The following LAMA3 variants were observed in gnomAD, a reference collection of about 807,000 sequenced individuals.
LAMA3 encodes laminin subunit alpha 3.
Under a neutral mutation model 402.0 loss-of-function variants are expected in LAMA3, and 281 were observed. The observed-to-expected ratio is 0.70, with a 90% confidence interval of 0.63 to 0.77. LAMA3 has a LOEUF of 0.77. Ranked by LOEUF, LAMA3 falls within the 30% of genes least tolerant of loss-of-function variation. The pLI, the probability that LAMA3 is intolerant of heterozygous loss-of-function variation, is 0.00. For missense variants in LAMA3, 3,840 were observed against 4,215.5 expected (o/e 0.91, Z 2.47); for synonymous variants, 1,431 against 1,558.4 (o/e 0.92, Z 1.93).
Position 23,713,932 on chromosome 18 carries a change from G to A in LAMA3, c.307G>A (p.Asp103Asn). The A allele has an allele frequency of 6.2e-7, 1 of 1,612,316 alleles. No homozygotes were observed. The highest frequency in any genetic ancestry group is 8.5e-7 in the Non-Finnish European group (1 of 1,179,692). ...SGHTIQGQFC[D>N]YCNSEDPRKA... ...TTTTTTTTTTCAGGGCCAGTTCTGT[G>A]ACTATTGCAATTCTGAAGACCCCAG... The change falls in exon 2 of 75, where the codon GAC becomes AAC. Residue 103 changes from aspartate (D) to asparagine (N), a missense_variant. Asp to Asn is a conservative substitution (Grantham distance 23). Transcript: ENST00000313654.
At position 23,904,600 on chromosome 18, in the gene LAMA3, A is replaced by G. The variant is rs779005632; in HGVS notation, c.6521A>G (p.Asp2174Gly). The stretch of plus-strand genomic sequence containing the variant: ...GATGAGCTGGTGCGCTGTGCTGTGG[A>G]TGCCGCCACCGCCTACGAGAACATC... ...SGDELVRCAV[D>G]AATAYENILN... The change falls in exon 51 of 75, where the codon GAT becomes GGT. Residue 2174 changes from aspartate to glycine, a missense_variant. Physicochemically the swap from Asp to Gly is moderately conservative, Grantham distance 94 (BLOSUM62 -1). Transcript: ENST00000313654. 3.7e-6 allele frequency: 6 copies of G among 1,611,896 alleles called. No homozygotes were observed. The highest frequency in any genetic ancestry group is 3.3e-5 in the Admixed American group (2 of 59,822).
chr18:23,894,477 T>G, intron 43 of LAMA3, 129 bp downstream of exon 43: 1 of 818,696 alleles, frequency 1.2e-6, no homozygotes, highest in Non-Finnish European at 2.1e-6. Context: ...GAAGGACTAC[T>G]TAGGGTCAAA....
intron 11 of LAMA3, among the ~76,000 whole-genome samples, chr18:23,782,426 G>A (rs1316744583): frequency 1.3e-5 from 2 of 151,978 alleles, no homozygotes; most frequent in African/African-American, 2.4e-5. Flanking sequence ...TGTGGCACAC[G>A]CCTGTAATCC....
chr18:23,753,880 G>GCAAA, intron 6 of LAMA3, 68 bp downstream of exon 6: 5 of 1,023,740 alleles, frequency 4.9e-6, no homozygotes, highest in Non-Finnish European at 6.1e-6. Flanking sequence ...GTGGATGTTT[G>GCAAA]CATCCCGTTA....
At chr18:23,811,508 C>T (rs950236708) in intron 13 of LAMA3, among the ~76,000 whole-genome samples, 2 of 152,068 alleles carry the variant, frequency 1.3e-5, no homozygotes, top group East Asian at 1.9e-4. Flanking sequence ...CCCTAGGATG[C>T]GAGGGCATCC....
chr18:23,853,428 C>A (rs1466414260), intron 32 of LAMA3, among the ~76,000 whole-genome samples: 1 of 152,134 alleles, frequency 6.6e-6, no homozygotes, highest in Non-Finnish European at 1.5e-5. Flanking sequence ...CATGCACCAC[C>A]ACACCCGGCT....
chr18:23,746,637 A>G (rs1425398299), intron 2 of LAMA3, among the ~76,000 whole-genome samples: 1 of 152,144 alleles, frequency 6.6e-6, no homozygotes. Flanking sequence ...ATTTATGCTA[A>G]CATGTAAAAT....
Position 23,918,237 on chromosome 18 carries a change from T to A in LAMA3, c.7923+1542T>A, listed in dbSNP as rs766894278. On this transcript the variant is annotated intron_variant, in intron 60 of 74. Transcript: ENST00000313654. This position sits in a 1 kb window ranked among gnomAD's most constrained non-coding sequence, Gnocchi z 4.1. ...TTTATCTCTGGGCTCTCTATTCTGT[T>A]CCATTGATGTCTATTTTAATGAGGG... Among the ~76,000 whole-genome samples the A allele has an allele frequency of 1.6e-4, 24 of 152,180 alleles. No individual in the cohort carries two copies. Among genetic ancestry groups the A allele is most frequent in the Admixed American group, 3.9e-4 (6 of 15,282 alleles).
intron 1 of LAMA3, among the ~76,000 whole-genome samples, chr18:23,709,032 G>T (rs2060941150): frequency 1.3e-5 from 2 of 152,002 alleles, no homozygotes; most frequent in African/African-American, 4.8e-5. Context: ...TGGGATTACA[G>T]GTGTAAGCCA....
chr18:23,946,272 A>G lies in LAMA3; in HGVS notation c.9339A>G (p.Ser3113=). 1 of 1,614,196 alleles carries G rather than the reference A, an allele frequency of 6.2e-7. No individual in the cohort carries two copies. Among genetic ancestry groups the G allele is most frequent in the South Asian group, 1.1e-5 (1 of 91,092 alleles). Residue 3113 remains serine (S), a synonymous_variant, in exon 70 of 75, where the codon TCA becomes TCG. Coordinates refer to ENST00000313654, the MANE Select transcript of LAMA3 (RefSeq NM_198129.4). ...CAGTTTACCTGGGATCACCTCCATC[A>G]GGGAAACCAAAGGTAAATAGTTATG... ...RAPVYLGSPP[S]GKPKSLPTNS... is the part of the protein sequence containing the mutation.
Position 23,768,165 on chromosome 18 carries a change from CAA to C in LAMA3, c.1182+4655_1182+4656del, listed in dbSNP as rs58720366. ...ATTAAACTAAAGAGCTTCTATACTA[CAA>C]AAAAAAAAAAAACTATCAGCAGAGT... On this transcript the variant is annotated intron_variant, in intron 8 of 74. Transcript: ENST00000313654. Among the ~76,000 whole-genome samples the C allele has an allele frequency of 4.7e-3, 674 of 142,158 alleles. 5 individuals are homozygous for C. The highest frequency in any genetic ancestry group is 0.013 in the African/African-American group (522 of 38,704). 93.3% of individuals were successfully genotyped at this position (142,158 alleles called of 152,430 possible).
chr18:23,777,446 G>A (rs1447388031), intron 10 of LAMA3, 111 bp from the exon 11 acceptor site: 1 of 780,798 alleles, frequency 1.3e-6, no homozygotes, highest in Admixed American at 1.9e-5. Context: ...GTCTCTATAT[G>A]CTACTTTTCA....
chr18:23,835,925 G>A (rs900109192), intron 24 of LAMA3, among the ~76,000 whole-genome samples: 7 of 152,120 alleles, frequency 4.6e-5, no homozygotes, highest in African/African-American at 1.7e-4. Flanking sequence ...GTAGTGCTGT[G>A]ATAAATCTAA....
chr18:23,927,409 T>C (rs570343345), intron 62 of LAMA3, among the ~76,000 whole-genome samples: 2 of 152,148 alleles, frequency 1.3e-5, no homozygotes, highest in African/African-American at 4.8e-5. Context: ...CCTCAAGTGA[T>C]CCACCTGACT....
intron 44 of LAMA3, among the ~76,000 whole-genome samples, chr18:23,896,405 A>AT (rs1342643208): frequency 6.6e-6 from 1 of 152,110 alleles, no homozygotes; most frequent in African/African-American, 2.4e-5. Context: ...AAATTGGGGG[A>AT]TTTTCCAGAT....
chr18:23,709,316 G>A (rs908254059), intron 1 of LAMA3, among the ~76,000 whole-genome samples: 17 of 151,810 alleles, frequency 1.1e-4, no homozygotes, highest in African/African-American at 3.9e-4. Context: ...CAAGCAATCT[G>A]CCCATCTTGG....
At chr18:23,921,842 G>T (rs1201434934) in intron 62 of LAMA3, among the ~76,000 whole-genome samples, 2 of 152,186 alleles carry the variant, frequency 1.3e-5, no homozygotes, top group Non-Finnish European at 2.9e-5. Flanking sequence ...ACCACGAAGG[G>T]TATAGTTGGG....
At chr18:23,790,330 G>A (rs1288552779) in intron 12 of LAMA3, among the ~76,000 whole-genome samples, 2 of 152,222 alleles carry the variant, frequency 1.3e-5, no homozygotes. Flanking sequence ...TTATTAGAAT[G>A]CATCATAAGT....
intron 20 of LAMA3, among the ~76,000 whole-genome samples, chr18:23,822,914 A>G (rs1488528168): frequency 6.6e-6 from 1 of 152,232 alleles, no homozygotes; most frequent in East Asian, 1.9e-4. Context: ...AAGAGAGCAC[A>G]GCCTCGCCAC....
Sources: gnomAD v4.1 joint callset for allele counts (sites outside exome capture counted in the v4.1 genomes callset) on GRCh38, gnomAD v4.1.1 for gene constraint, Gnocchi (gnomAD v3.1) non-coding constraint, MANE v1.5 for transcripts, NCBI Gene and HGNC (gene_info 2026-07-23, HGNC 2026-07-21) for gene names.